SKP1: variants seen among roughly 807,000 people sequenced by gnomAD.
SKP1 encodes the protein S-phase kinase associated protein 1.
SKP1 carries 1 observed loss-of-function variant against 21.5 expected under a neutral mutation model. The ratio of observed to expected loss-of-function variants is 0.05; its 90% CI spans 0.02 to 0.22. The LOEUF (loss-of-function observed/expected upper bound fraction) is 0.22. SKP1 is among the 10% of genes least tolerant of loss of function. The probability of loss-of-function intolerance (pLI) is 1.00; values close to 1 mark genes in which losing one functional copy is unlikely to be tolerated. For synonymous variants in SKP1, 59 were observed against 59.3 expected (o/e 0.99, Z 0.03); for missense variants, 70 against 192.0 (o/e 0.36, Z 3.76).
At chr5:134,167,845 TAC>T (rs796296257) in intron 2 of SKP1, among the ~76,000 whole-genome samples, 16 of 152,302 alleles carry the variant, frequency 1.1e-4, no homozygotes, top group African/African-American at 3.8e-4. Flanking sequence ...ATTTTAAGTA[TAC>T]ACAGTGATGT....
At chr5:134,157,950 A>T in intron 5 of SKP1, 182 bp from the exon 6 acceptor site, 4 of 1,527,258 alleles carry the variant, frequency 2.6e-6, no homozygotes, top group Non-Finnish European at 3.5e-6. Context: ...CATGGTTTTT[A>T]TTCTGCCCTG....
intron 3 of SKP1, chr5:134,161,387 GAA>G: frequency 3.2e-6 from 1 of 314,384 alleles, no homozygotes; most frequent in East Asian, 5.1e-5. Flanking sequence ...TATGCAAAAA[GAA>G]AAGTTAGGAC....
chr5:134,160,914 G>A (rs546838686), intron 4 of SKP1, 73 bp downstream of exon 4: 2 of 1,042,596 alleles, frequency 1.9e-6, no homozygotes, highest in East Asian at 4.9e-5. Flanking sequence ...TGTCAATGAA[G>A]TTAGCAAATT....
rs1761032634 is a variant in SKP1 at position 134,150,879 on chromosome 5, A to C, written c.*6854T>G. ...AATACTCAAAACGGCACCGAGTTTGAAAACAGGAAACATAGATGGTGGGGA... is the reference window on the plus strand; with the variant it reads ...AATACTCAAAACGGCACCGAGTTTGCAAACAGGAAACATAGATGGTGGGGA... On this transcript the variant is annotated 3_prime_UTR_variant, in exon 6 of 6. Transcript: ENST00000353411. 6.6e-6 allele frequency: 1 copy of C among 152,266 alleles called. No individual in the cohort carries two copies. The highest frequency in any genetic ancestry group is 2.4e-5 in the African/African-American group (1 of 41,466). 9.4% of individuals were successfully genotyped at this position (152,266 alleles called of 1,614,324 possible).
At chr5:134,164,171 A>C (rs934188430) in intron 3 of SKP1, among the ~76,000 whole-genome samples, 2 of 151,728 alleles carry the variant, frequency 1.3e-5, no homozygotes, top group Non-Finnish European at 2.9e-5. Flanking sequence ...AAATACAAAA[A>C]ATTAGCCGGG....
rs1280080891 is a variant in SKP1, at chr5:134,155,207, GAAGT to G, written c.*2522_*2525del. The G allele has an allele frequency of 6.6e-6, 1 of 152,214 alleles. No individual in the cohort carries two copies. Among genetic ancestry groups the G allele is most frequent in the Admixed American group, 6.5e-5 (1 of 15,282 alleles). The allele number at this position is 152,214 out of a possible 1,614,324, so 9.4% of individuals were successfully genotyped here. On this transcript the variant is annotated 3_prime_UTR_variant, in exon 6 of 6. Transcript: ENST00000353411. ...AATATTAGTTTAGAAGAATAGTTGG[GAAGT>G]AAGAGAGTAGCCAGAAATGAGTGGA...
chr5:134,152,343 C>T lies in SKP1; in HGVS notation c.*5390G>A, dbSNP rs1373196652. On this transcript the variant is annotated 3_prime_UTR_variant, in exon 6 of 6. Transcript: ENST00000353411. ...CCCTAATTTCTCTTTAGTCTATATTCTCAGGGAAATGTACCAACACCCAAC... is the reference window on the plus strand; with the variant it reads ...CCCTAATTTCTCTTTAGTCTATATTTTCAGGGAAATGTACCAACACCCAAC... The T allele has an allele frequency of 2.6e-5, 4 of 152,198 alleles. No individual in the cohort carries two copies. Among genetic ancestry groups the T allele is most frequent in the African/African-American group, 9.7e-5 (4 of 41,430 alleles). 9.4% of individuals were successfully genotyped at this position (152,198 alleles called of 1,614,324 possible).
chr5:134,160,840 G>T, intron 4 of SKP1, 147 bp downstream of exon 4: 1 of 600,974 alleles, frequency 1.7e-6, no homozygotes, highest in Non-Finnish European at 2.9e-6. Flanking sequence ...TACATTTAGT[G>T]TGTTACTGAT....
intron 3 of SKP1, among the ~76,000 whole-genome samples, chr5:134,162,382 G>C (rs1761236544): frequency 6.6e-6 from 1 of 152,102 alleles, no homozygotes; most frequent in Admixed American, 6.6e-5. Context: ...ATGAGCCACT[G>C]TGCCTGGCCA....
Position 134,151,720 on chromosome 5 carries a change from A to G in SKP1, c.*6013T>C, listed in dbSNP as rs1176572748. ...TACAGATGTGGAAGCAGACACTGTT[A>G]TGAGCAACTACATTCCTCCCATAGA... On this transcript the variant is annotated 3_prime_UTR_variant, in exon 6 of 6. Transcript: ENST00000353411. The G allele has an allele frequency of 1.1e-5, 5 of 456,040 alleles. No individual in the cohort carries two copies. The highest frequency in any genetic ancestry group is 2.2e-5 in the Non-Finnish European group (5 of 226,852). The allele number at this position is 456,040 out of a possible 1,614,324, so 28.2% of individuals were successfully genotyped here. A position where few individuals can be genotyped will look rare whatever the true frequency, so the allele number is the denominator to read the frequency against.
chr5:134,176,006 G>C lies in SKP1; in HGVS notation c.-1+849C>G, dbSNP rs757594035. ...TTTTAGACTGCACAGTGGAGGAGAC[G>C]GTATTGTTCTATGAAACGGATACAT... On this transcript the variant is annotated intron_variant, in intron 1 of 5. Transcript: ENST00000353411. Among the ~76,000 whole-genome samples, 17 of 152,202 alleles carry C rather than the reference G, an allele frequency of 1.1e-4. No homozygotes were observed. The East Asian group carries it at 2.1e-3, about 19-fold the overall frequency.
chr5:134,168,934 G>C (rs1380753522), intron 2 of SKP1, among the ~76,000 whole-genome samples: 1 of 152,026 alleles, frequency 6.6e-6, no homozygotes, highest in South Asian at 2.1e-4. Flanking sequence ...ACAACTGCAG[G>C]TAAGTTTGGG....
intron 3 of SKP1, among the ~76,000 whole-genome samples, chr5:134,165,043 G>A (rs1386369384): frequency 1.5e-5 from 2 of 134,458 alleles, no homozygotes; most frequent in South Asian, 2.3e-4. Context: ...TTTTTTGAGG[G>A]GGGAGGGTGT....
rs1761077097 is a variant in SKP1 at position 134,153,702 on chromosome 5, G to A, written c.*4031C>T. On this transcript the variant is annotated 3_prime_UTR_variant, in exon 6 of 6. Coordinates refer to ENST00000353411, the MANE Select transcript of SKP1 (RefSeq NM_170679.3). The stretch of plus-strand genomic sequence containing the variant: ...ATATTCCCAAACTGCCTTATTGAGA[G>A]CCTAGGCAAATTAACTTAAACAAAA... The A allele has an allele frequency of 6.6e-6, 1 of 152,188 alleles. No individual in the cohort carries two copies. The highest frequency in any genetic ancestry group is 1.5e-5 in the Non-Finnish European group (1 of 68,030). The allele number at this position is 152,188 out of a possible 1,614,324, so 9.4% of individuals were successfully genotyped here.
chr5:134,151,820 C>G lies in SKP1; in HGVS notation c.*5913G>C. Reference sequence around the variant, plus strand: ...GACTGCAAGGCAACAAGTACATTATCAATGAATTAGCCATCTATCACTCAA... The same window carrying G: ...GACTGCAAGGCAACAAGTACATTATGAATGAATTAGCCATCTATCACTCAA... On this transcript the variant is annotated 3_prime_UTR_variant, in exon 6 of 6. Coordinates refer to ENST00000353411, the MANE Select transcript of SKP1 (RefSeq NM_170679.3). The G allele has an allele frequency of 2.7e-6, 1 of 367,040 alleles. No individual in the cohort carries two copies. Among genetic ancestry groups the G allele is most frequent in the Non-Finnish European group, 5.6e-6 (1 of 177,056 alleles). The allele number at this position is 367,040 out of a possible 1,614,324, so 22.7% of individuals were successfully genotyped here. A position where few individuals can be genotyped will look rare whatever the true frequency, so the allele number is the denominator to read the frequency against.
chr5:134,156,111 G>A lies in SKP1; in HGVS notation c.*1622C>T, dbSNP rs1170357122. ...ATGCCCAGCTGCTAAGGATACTTGA[G>A]GTGGATAAGGTTTTTGCAGAAGTTG... is the stretch of plus-strand genomic sequence containing the variant. On this transcript the variant is annotated 3_prime_UTR_variant, in exon 6 of 6. Coordinates refer to ENST00000353411, the MANE Select transcript of SKP1 (RefSeq NM_170679.3). The A allele has an allele frequency of 3.3e-5, 5 of 152,154 alleles. No homozygotes were observed. Among genetic ancestry groups the A allele is most frequent in the Non-Finnish European group, 5.9e-5 (4 of 68,008 alleles). 9.4% of individuals were successfully genotyped at this position (152,154 alleles called of 1,614,324 possible).
chr5:134,156,765 A>C lies in SKP1; in HGVS notation c.*968T>G, dbSNP rs560434162. The stretch of plus-strand genomic sequence containing the variant: ...AGTTATGGTTATGTCAGCAGCCTCC[A>C]GTGAGCTAGGATATAAACTAAGTCT... On this transcript the variant is annotated 3_prime_UTR_variant, in exon 6 of 6. Coordinates refer to ENST00000353411, the MANE Select transcript of SKP1 (RefSeq NM_170679.3). 1 of 152,668 alleles carries C rather than the reference A, an allele frequency of 6.6e-6. No homozygotes were observed. Among genetic ancestry groups the C allele is most frequent in the South Asian group, 2.1e-4 (1 of 4,830 alleles). 9.5% of individuals were successfully genotyped at this position (152,668 alleles called of 1,614,324 possible).
chr5:134,169,392 G>C (rs1028999759), intron 2 of SKP1, among the ~76,000 whole-genome samples: 2 of 152,166 alleles, frequency 1.3e-5, no homozygotes, highest in African/African-American at 4.8e-5. Flanking sequence ...GCTCTATGTA[G>C]AACAAGTCAC....
intron 5 of SKP1, 33 bp from the exon 6 acceptor site, chr5:134,157,801 C>A: frequency 6.2e-7 from 1 of 1,612,684 alleles, no homozygotes; most frequent in South Asian, 1.1e-5. Flanking sequence ...AGTACCTTAA[C>A]TTGAGTAGTC....
Sources: allele counts gnomAD v4.1 joint callset (sites outside exome capture counted in the v4.1 genomes callset), GRCh38; gene constraint gnomAD v4.1.1; transcripts MANE v1.5; gene names NCBI Gene and HGNC (gene_info 2026-07-23, HGNC 2026-07-21).